Variants in GTPBP6 observed in about 807,000 individuals in gnomAD.
The protein encoded by GTPBP6 is putative GTP-binding protein 6.
In GTPBP6, 33 loss-of-function variants were observed where a neutral mutation model predicts 28.9. That is an observed-to-expected ratio of 1.14 (90% CI 0.87 to 1.53). The LOEUF (loss-of-function observed/expected upper bound fraction) is 1.53. Among genes scored for constraint, GTPBP6 ranks in the 40% most tolerant of loss-of-function variants. The pLI is 0.00. For missense variants in GTPBP6, 507 were observed against 408.3 expected, an observed-to-expected ratio of 1.24 and a Z score of -2.08; for synonymous variants, 231 against 192.7, an observed-to-expected ratio of 1.20 and a Z score of -1.65.
rs893966740 is a variant in GTPBP6 at position 307,602 on chromosome X, C to T, written c.1275-90G>A. On this transcript the variant is annotated intron_variant, in intron 8 of 9. Coordinates refer to ENST00000326153, the Ensembl canonical transcript of GTPBP6. ...CCAGGAGTCCACTGCCCACGGGGCA[C>T]AGTCTGGGGCCACTCCCTGTGTCCT... is the stretch of plus-strand genomic sequence containing the variant. 6.1e-6 allele frequency: 9 copies of T among 1,471,288 alleles called. No individual in the cohort carries two copies. The African/African-American group carries it at 7.0e-5, about 11-fold the overall frequency. The allele number at this position is 1,471,288 out of a possible 1,614,324, so 91.1% of individuals were successfully genotyped here.
chrX:304,999 C>A, exon 10 of GTPBP6: 1 of 1,575,482 alleles, frequency 6.3e-7, no homozygotes, highest in Admixed American at 1.8e-5. Context: ...CACCAAGCTG[C>A]CCCCAACACA....
exon 1 of GTPBP6, chrX:318,657 G>C (rs2070484881): frequency 2.5e-6 from 1 of 396,834 alleles, no homozygotes; most frequent in African/African-American, 2.1e-5. Context: ...CAGATTCCCG[G>C]GGCTCCTGCG....
intron 1 of GTPBP6, among the ~76,000 whole-genome samples, 167 bp from the exon 2 acceptor site, chrX:317,218 G>A (rs2070454722): frequency 6.6e-6 from 1 of 152,120 alleles, no homozygotes; most frequent in Non-Finnish European, 1.5e-5. Flanking sequence ...CCTCTAAGTA[G>A]GAATCTGACG....
chrX:307,851 G>A, exon 8 of GTPBP6: 4 of 1,540,642 alleles, frequency 2.6e-6, no homozygotes, highest in Non-Finnish European at 3.5e-6. Context: ...CCTCGGGGTG[G>A]CTGACGTCCC....
At chrX:310,402 A>G (rs1200717428) in intron 7 of GTPBP6, among the ~76,000 whole-genome samples, 1 of 129,676 alleles carries the variant, frequency 7.7e-6, no homozygotes, top group Non-Finnish European at 1.6e-5. Flanking sequence ...ACCCTCCCCT[A>G]GAGCCTCCAG....
chrX:311,201 G>GTTGGTGTCCGAA (rs1324652984), intron 7 of GTPBP6, among the ~76,000 whole-genome samples: 4 of 141,806 alleles, frequency 2.8e-5, no homozygotes, highest in Non-Finnish European at 6.0e-5. Flanking sequence ...GGGTGTCTGA[G>GTTGGTGTCCGAA]GGCCCGGCCC....
At chrX:308,624 G>A (rs187275591) in intron 7 of GTPBP6, among the ~76,000 whole-genome samples, 3 of 152,006 alleles carry the variant, frequency 2.0e-5, no homozygotes, top group Non-Finnish European at 4.4e-5. Flanking sequence ...AGGCTGCAGT[G>A]AGCCGAGATC....
chrX:311,473 C>T, exon 7 of GTPBP6: 2 of 1,591,216 alleles, frequency 1.3e-6, no homozygotes. Flanking sequence ...GGCCGTGCGG[C>T]AGCTGGGAGA....
exon 4 of GTPBP6, chrX:315,018 T>C (rs1389156415): frequency 1.2e-4 from 46 of 398,678 alleles, no homozygotes; most frequent in Middle Eastern, 6.3e-4. Context: ...CTTCCAGTTC[T>C]TTCTGCAAAA....
At position 307,519 on chromosome X, in the gene GTPBP6, G is replaced by T. The variant is rs775892792; in HGVS notation, c.1275-7C>A. The T allele has an allele frequency of 9.3e-5, 150 of 1,610,184 alleles. 1 individual carries two copies. In the Admixed American group the frequency reaches 2.5e-3, roughly 27 times the overall value. On this transcript the variant is annotated splice_polypyrimidine_tract_variant and splice_region_variant and intron_variant, in intron 8 of 9. Coordinates refer to ENST00000326153, the Ensembl canonical transcript of GTPBP6. ...CGGTTCCGTGGGGCTGTACCTGCAAGGGTGGGGATGTCACAGGCCCCGCTC... is the reference window on the plus strand; with the variant it reads ...CGGTTCCGTGGGGCTGTACCTGCAATGGTGGGGATGTCACAGGCCCCGCTC...
exon 10 of GTPBP6, chrX:304,853 C>G (rs1376801480): frequency 1.4e-6 from 2 of 1,407,838 alleles, no homozygotes; most frequent in Admixed American, 3.0e-5. Flanking sequence ...TGTGGATGCT[C>G]AGGCTTGGAG....
At chrX:314,740 T>C (rs1241743300) in intron 4 of GTPBP6, 150 bp downstream of exon 4, 1 of 393,328 alleles carries the variant, frequency 2.5e-6, no homozygotes, top group African/African-American at 2.1e-5. Context: ...CCTCCCAAAG[T>C]GCTGGGATGA....
chrX:312,475 G>A (rs751176903), intron 6 of GTPBP6: 17 of 596,146 alleles, frequency 2.9e-5, no homozygotes, highest in East Asian at 7.0e-5. Flanking sequence ...GGGAGATTGT[G>A]GTATAGACAG....
At chrX:304,960 C>T (rs1350838697) in exon 10 of GTPBP6, 10 of 1,505,632 alleles carry the variant, frequency 6.6e-6, no homozygotes, top group South Asian at 1.3e-5. Flanking sequence ...GGGTGCAGAA[C>T]CAGACAAGGA....
chrX:309,086 A>G (rs2070232747), intron 7 of GTPBP6, among the ~76,000 whole-genome samples: 1 of 152,114 alleles, frequency 6.6e-6, no homozygotes, highest in African/African-American at 2.4e-5. Flanking sequence ...GTTCAGTCCC[A>G]TCTCCTCAAG....
At chrX:304,888 G>C in exon 10 of GTPBP6, 1 of 1,440,464 alleles carries the variant, frequency 6.9e-7, no homozygotes, top group Non-Finnish European at 9.1e-7. Flanking sequence ...GCCCGCTTTG[G>C]GGCAGGTGCG....
At chrX:312,664 A>T (rs1464850143) in intron 6 of GTPBP6, 102 bp downstream of exon 6, 1 of 1,218,728 alleles carries the variant, frequency 8.2e-7, no homozygotes, top group Non-Finnish European at 1.2e-6. Context: ...CAGCTGTCGT[A>T]CGGCACCACT....
chrX:307,714 C>A lies in GTPBP6; in HGVS notation c.1274+18G>T, dbSNP rs1289141867. 8 of 1,464,982 alleles carry A rather than the reference C, an allele frequency of 5.5e-6. No individual in the cohort carries two copies. The highest frequency in any genetic ancestry group is 7.2e-6 in the Non-Finnish European group (8 of 1,106,696). 90.7% of individuals were successfully genotyped at this position (1,464,982 alleles called of 1,614,324 possible). ...TGCAGGGGAAGGAGACGCTTGCGGA[C>A]CCCAGGGCCGGACTCACCCGGGCAC... On this transcript the variant is annotated intron_variant, in intron 8 of 9. Transcript: ENST00000326153.
exon 7 of GTPBP6, chrX:311,440 G>A (rs770867335): frequency 2.0e-5 from 32 of 1,611,362 alleles, no homozygotes; most frequent in Non-Finnish European, 2.7e-5. Context: ...CGTCTTCCAG[G>A]GTGGCGGAGA....
Sources: allele counts gnomAD v4.1 joint callset (sites outside exome capture counted in the v4.1 genomes callset), GRCh38; gene constraint gnomAD v4.1.1; transcripts MANE v1.5; gene names NCBI Gene and HGNC (gene_info 2026-07-23, HGNC 2026-07-21).